TTC7A: variants seen among roughly 807,000 people sequenced by gnomAD.
TTC7A encodes tetratricopeptide repeat protein 7A.
TTC7A carries 110 observed loss-of-function variants against 103.7 expected under a neutral mutation model. That is an observed-to-expected ratio of 1.06 (90% confidence interval 0.91 to 1.24). TTC7A has a LOEUF of 1.24. TTC7A is among the 50% of genes most tolerant of loss of function. The pLI is 0.00. For synonymous variants in TTC7A, 521 were observed against 467.9 expected (o/e 1.11, Z -1.47); for missense variants, 1,340 against 1,116.3 (o/e 1.20, Z -2.86).
intron 19 of TTC7A, among the ~76,000 whole-genome samples, chr2:47,072,367 A>C (rs1200109205): frequency 2.0e-5 from 3 of 152,096 alleles, no homozygotes; most frequent in Non-Finnish European, 2.9e-5. Flanking sequence ...CCCTGGCCGC[A>C]AGATCTCCAG....
At chr2:47,025,686 C>A (rs915332225) in intron 14 of TTC7A, among the ~76,000 whole-genome samples, 1 of 152,208 alleles carries the variant, frequency 6.6e-6, no homozygotes, top group African/African-American at 2.4e-5. Context: ...TTCTCCCCAA[C>A]GGCCCTGATG....
intron 14 of TTC7A, among the ~76,000 whole-genome samples, chr2:47,024,991 G>C (rs1019608147): frequency 6.6e-6 from 1 of 152,236 alleles, no homozygotes; most frequent in East Asian, 1.9e-4. Context: ...GCAGGCTGGC[G>C]CTCTGGGCAT....
intron 9 of TTC7A, 49 bp downstream of exon 9, chr2:47,006,108 G>A (rs762641019): frequency 1.1e-5 from 18 of 1,597,086 alleles, no homozygotes; most frequent in Admixed American, 1.7e-5. Context: ...CAGGTGGTCT[G>A]TAAAGGAAAT....
At position 46,996,965 on chromosome 2, in the gene TTC7A, GGTT is replaced by G. The variant is rs375926625; in HGVS notation, c.1065+1791_1065+1793del. 7.5e-5 allele frequency among the ~76,000 whole-genome samples: 8 copies of G among 106,920 alleles called. No homozygotes were observed. In the East Asian group the frequency reaches 7.9e-4, roughly 11 times the overall value. 70.1% of individuals were successfully genotyped at this position (106,920 alleles called of 152,430 possible). A position where few individuals can be genotyped will look rare whatever the true frequency, so the allele number is the denominator to read the frequency against. ...GGAAACACAGAGTTTTTTTTGTGGTGGTTGTTGTTGTTGTTGTTGTTGTTGTTT... is the reference window on the plus strand; with the variant it reads ...GGAAACACAGAGTTTTTTTTGTGGTGGTTGTTGTTGTTGTTGTTGTTGTTT... On this transcript the variant is annotated intron_variant, in intron 8 of 19. Transcript: ENST00000319190.
intron 15 of TTC7A, among the ~76,000 whole-genome samples, chr2:47,044,630 G>A (rs1028294113): frequency 6.6e-6 from 1 of 152,226 alleles, no homozygotes; most frequent in Non-Finnish European, 1.5e-5. Flanking sequence ...AGAGAGGTGG[G>A]ATTTAAAGCC....
At chr2:46,987,232 C>T (rs1287902046) in intron 5 of TTC7A, among the ~76,000 whole-genome samples, 1 of 152,204 alleles carries the variant, frequency 6.6e-6, no homozygotes, top group East Asian at 1.9e-4. Context: ...GCAGTTCGGC[C>T]ACCTGGTTGC....
intron 19 of TTC7A, among the ~76,000 whole-genome samples, chr2:47,067,128 C>G (rs1249593815): frequency 6.6e-6 from 1 of 152,230 alleles, no homozygotes; most frequent in Non-Finnish European, 1.5e-5. Flanking sequence ...TCTTAAAGGT[C>G]TCACACTTCA....
intron 1 of TTC7A, among the ~76,000 whole-genome samples, chr2:46,948,643 A>G (rs1043038161): frequency 1.3e-5 from 2 of 152,038 alleles, no homozygotes; most frequent in Non-Finnish European, 2.9e-5. Flanking sequence ...GTGTTTTTCT[A>G]AAGACGAGGT....
chr2:46,985,085 C>T (rs1177987795), intron 5 of TTC7A, among the ~76,000 whole-genome samples: 3 of 152,160 alleles, frequency 2.0e-5, no homozygotes, highest in African/African-American at 7.2e-5. Flanking sequence ...GGTTGTGGGT[C>T]AGTGGGTATG....
intron 2 of TTC7A, among the ~76,000 whole-genome samples, chr2:46,924,839 GCTGGACTCGAGCT>G (rs1669303074): frequency 6.6e-6 from 1 of 152,210 alleles, no homozygotes; most frequent in Non-Finnish European, 1.5e-5. Context: ...TGTTGGCCAG[GCTGGACTCGAGCT>G]CTGGGCTCAA....
chr2:46,983,178 A>T (rs569873350), intron 5 of TTC7A, among the ~76,000 whole-genome samples: 1 of 152,034 alleles, frequency 6.6e-6, no homozygotes, highest in Non-Finnish European at 1.5e-5. Context: ...GAATATGTGG[A>T]TGTGGAGGCT....
intron 18 of TTC7A, among the ~76,000 whole-genome samples, chr2:47,054,713 T>C (rs2104748361): frequency 6.6e-6 from 1 of 152,104 alleles, no homozygotes; most frequent in East Asian, 1.9e-4. Context: ...TGCATGCCTG[T>C]AGTCCCAGCT....
intron 2 of TTC7A, among the ~76,000 whole-genome samples, chr2:46,927,335 A>G (rs566821361): frequency 6.6e-6 from 1 of 151,900 alleles, no homozygotes; most frequent in East Asian, 1.9e-4. Context: ...AATAATATTA[A>G]AGATAGAGGA....
chr2:47,057,070 G>A (rs1683383143), intron 18 of TTC7A, among the ~76,000 whole-genome samples: 1 of 152,226 alleles, frequency 6.6e-6, no homozygotes, highest in South Asian at 2.1e-4. Flanking sequence ...GGTGGATGCG[G>A]CGCCCCAGGG....
intron 4 of TTC7A, 81 bp downstream of exon 4, chr2:46,975,184 A>T: frequency 6.4e-7 from 1 of 1,556,116 alleles, no homozygotes. Flanking sequence ...CCCATAGGTC[A>T]CCTGTGTGCT....
chr2:47,026,551 T>TAA (rs953943291), intron 14 of TTC7A, among the ~76,000 whole-genome samples: 8 of 152,046 alleles, frequency 5.3e-5, no homozygotes, highest in Admixed American at 1.3e-4. Context: ...GCAGGACTCT[T>TAA]AAAAAGAGAC....
At chr2:46,995,341 G>A (rs1026868465) in intron 8 of TTC7A, 142 bp downstream of exon 8, 2 of 815,292 alleles carry the variant, frequency 2.5e-6, no homozygotes, top group African/African-American at 3.4e-5. Context: ...TCTTGGCCCT[G>A]GGCCCCCATA....
At position 46,970,944 on chromosome 2, in the gene TTC7A, G is replaced by A. The variant is rs115027417; in HGVS notation, c.518-4029G>A. Among the ~76,000 whole-genome samples, 214 of 152,326 alleles carry A rather than the reference G, an allele frequency of 1.4e-3. 1 individual carries two copies. The highest frequency in any genetic ancestry group is 5.0e-3 in the African/African-American group (206 of 41,578). On this transcript the variant is annotated intron_variant, in intron 3 of 19. Coordinates refer to ENST00000319190, the MANE Select transcript of TTC7A (RefSeq NM_020458.4). ...CCAAGGCAACCGAACTTTGGATCTG[G>A]TCACACCCCAGCCTGGCAAAGGGAC...
rs751644700 is a variant in TTC7A at position 46,978,816 on chromosome 2, C to T, written c.673C>T (p.His225Tyr). 2 of 1,613,986 alleles carry T rather than the reference C, an allele frequency of 1.2e-6. No homozygotes were observed. The highest frequency in any genetic ancestry group is 2.2e-5 in the South Asian group (2 of 91,084). The change falls in exon 5 of 20, where the codon CAT (histidine) becomes TAT (tyrosine). Residue 225 changes from histidine (H) to tyrosine (Y), a missense_variant. Coordinates refer to ENST00000319190, the MANE Select transcript of TTC7A (RefSeq NM_020458.4). ...EKTTNNSTSR[H>Y]LKGCHPLDYE... Reference sequence around the variant, plus strand: ...GACCACAAATAACAGCACGTCGAGGCATCTGAAAGGCTGTCACCCGCTTGA... The same window carrying T: ...GACCACAAATAACAGCACGTCGAGGTATCTGAAAGGCTGTCACCCGCTTGA...
Sources: gnomAD v4.1 joint callset for allele counts (sites outside exome capture counted in the v4.1 genomes callset) on GRCh38, gnomAD v4.1.1 for gene constraint, MANE v1.5 for transcripts, NCBI Gene and HGNC (gene_info 2026-07-23, HGNC 2026-07-21) for gene names.